PBX3: variants seen among roughly 807,000 people sequenced by gnomAD.
The protein encoded by PBX3 is PBX homeobox 3.
Under a neutral mutation model 48.5 loss-of-function variants are expected in PBX3, and 14 were observed. The ratio of observed to expected loss-of-function variants is 0.29; its 90% CI spans 0.19 to 0.45. PBX3 has a LOEUF of 0.45. Among genes scored for constraint, PBX3 ranks in the 20% least tolerant of loss-of-function variants. The pLI is 1.00. For synonymous variants in PBX3, 210 were observed against 200.3 expected (o/e 1.05, Z -0.41); for missense variants, 386 against 546.7 (o/e 0.71, Z 2.93).
intron 2 of PBX3, among the ~76,000 whole-genome samples, chr9:125,870,393 A>C (rs573355529): frequency 6.6e-6 from 1 of 152,304 alleles, no homozygotes; most frequent in East Asian, 1.9e-4. Context: ...ACATGGTGGC[A>C]GACGAGAGAA....
intron 2 of PBX3, among the ~76,000 whole-genome samples, chr9:125,876,802 C>CTTT (rs59596389): frequency 1.6e-5 from 2 of 128,968 alleles, no homozygotes; most frequent in Non-Finnish European, 3.3e-5. Flanking sequence ...TTCTTTCTTT[C>CTTT]TTTTTTTTTT....
chr9:125,883,460 C>T (rs1476149943), intron 2 of PBX3, among the ~76,000 whole-genome samples: 2 of 152,100 alleles, frequency 1.3e-5, no homozygotes, highest in Non-Finnish European at 2.9e-5. Flanking sequence ...TACTTTTTTT[C>T]ATGGCCAAGT....
chr9:125,881,491 T>A (rs1187818523), intron 2 of PBX3, among the ~76,000 whole-genome samples: 1 of 152,220 alleles, frequency 6.6e-6, no homozygotes. Context: ...TCATCACCAA[T>A]TTAATTCAAT....
At chr9:125,842,130 C>G (rs1363494821) in intron 2 of PBX3, among the ~76,000 whole-genome samples, 1 of 152,150 alleles carries the variant, frequency 6.6e-6, no homozygotes, top group East Asian at 1.9e-4. Context: ...GATGAAGTAA[C>G]TGACCTCCTT....
intron 2 of PBX3, among the ~76,000 whole-genome samples, chr9:125,877,400 A>G (rs1234990816): frequency 6.6e-6 from 1 of 152,142 alleles, no homozygotes; most frequent in African/African-American, 2.4e-5. Context: ...TAGTACTTCT[A>G]GGACTTGTGG....
intron 2 of PBX3, among the ~76,000 whole-genome samples, chr9:125,809,158 C>T (rs541002319): frequency 1.3e-5 from 2 of 152,262 alleles, no homozygotes; most frequent in South Asian, 2.1e-4. Context: ...GAAAGCTGAG[C>T]GTCATTTTGT....
At chr9:125,752,353 T>C (rs1439350259) in intron 2 of PBX3, among the ~76,000 whole-genome samples, 3 of 152,212 alleles carry the variant, frequency 2.0e-5, no homozygotes, top group Non-Finnish European at 4.4e-5. Context: ...TGAAGTATTT[T>C]TTATGTTTAA....
chr9:125,784,414 C>G (rs550860411), intron 2 of PBX3, among the ~76,000 whole-genome samples: 2 of 152,310 alleles, frequency 1.3e-5, no homozygotes, highest in South Asian at 4.1e-4. Flanking sequence ...GAGCTGTGAG[C>G]CACCGCACCC....
chr9:125,913,114 T>C (rs1034031406), intron 2 of PBX3, among the ~76,000 whole-genome samples: 10 of 152,288 alleles, frequency 6.6e-5, no homozygotes, highest in African/African-American at 2.4e-4. Context: ...CTTTTCAGAC[T>C]AGTTATGAAA....
At chr9:125,827,719 C>A (rs959190504) in intron 2 of PBX3, among the ~76,000 whole-genome samples, 1 of 152,208 alleles carries the variant, frequency 6.6e-6, no homozygotes, top group African/African-American at 2.4e-5. Context: ...ACTTCACATT[C>A]ATTTCACTAC....
intron 2 of PBX3, among the ~76,000 whole-genome samples, chr9:125,808,081 T>A (rs935938155): frequency 6.6e-6 from 1 of 152,222 alleles, no homozygotes; most frequent in African/African-American, 2.4e-5. Flanking sequence ...AAGTCTACTT[T>A]CTAGACCTTC....
At chr9:125,787,791 G>A (rs974790532) in intron 2 of PBX3, among the ~76,000 whole-genome samples, 4 of 152,222 alleles carry the variant, frequency 2.6e-5, no homozygotes, top group African/African-American at 2.4e-5. Context: ...GGTGACTGGC[G>A]GAGTAAAAGA....
At chr9:125,832,516 T>A (rs554423092) in intron 2 of PBX3, among the ~76,000 whole-genome samples, 1 of 152,260 alleles carries the variant, frequency 6.6e-6, no homozygotes, top group East Asian at 1.9e-4. Context: ...AGATAACAAT[T>A]GACTACTGAC....
intron 2 of PBX3, among the ~76,000 whole-genome samples, chr9:125,812,921 C>T (rs1838335653): frequency 2.6e-5 from 4 of 152,180 alleles, no homozygotes; most frequent in Admixed American, 2.0e-4. Context: ...GTATAGGGCA[C>T]TTACCATGAA....
At chr9:125,774,501 A>G (rs1837020292) in intron 2 of PBX3, among the ~76,000 whole-genome samples, 1 of 152,084 alleles carries the variant, frequency 6.6e-6, no homozygotes, top group African/African-American at 2.4e-5. Context: ...ATCATACAGT[A>G]TTTGGTTCTT....
At chr9:125,872,491 G>C (rs965506393) in intron 2 of PBX3, among the ~76,000 whole-genome samples, 2 of 152,128 alleles carry the variant, frequency 1.3e-5, no homozygotes, top group African/African-American at 4.8e-5. Flanking sequence ...AAGTAAACTT[G>C]AAAGTGAAGG....
intron 2 of PBX3, among the ~76,000 whole-genome samples, chr9:125,807,338 A>G (rs1342306805): frequency 1.5e-5 from 2 of 131,440 alleles, no homozygotes; most frequent in Non-Finnish European, 3.0e-5. Flanking sequence ...CTCAAAAAAG[A>G]AAAAAAAAAA....
At chr9:125,894,946 G>A (rs1258204387) in intron 2 of PBX3, among the ~76,000 whole-genome samples, 2 of 151,952 alleles carry the variant, frequency 1.3e-5, no homozygotes, top group Non-Finnish European at 2.9e-5. Context: ...AGTATACAAG[G>A]GTAGTAAAAA....
intron 2 of PBX3, among the ~76,000 whole-genome samples, chr9:125,826,535 G>A (rs966552176): frequency 1.3e-4 from 20 of 152,034 alleles, no homozygotes; most frequent in African/African-American, 4.6e-4. Flanking sequence ...ATATGGTAAT[G>A]TCACTACTAA....
Sources: gnomAD v4.1 joint callset for allele counts (sites outside exome capture counted in the v4.1 genomes callset) on GRCh38, gnomAD v4.1.1 for gene constraint, MANE v1.5 for transcripts, NCBI Gene and HGNC (gene_info 2026-07-23, HGNC 2026-07-21) for gene names.